OAS3: variants seen among roughly 807,000 people sequenced by gnomAD.
The protein encoded by OAS3 is 2'-5'-oligoadenylate synthetase 3, also known as 2'-5'-oligoadenylate synthase 3.
In OAS3, 107 loss-of-function variants were observed where a neutral mutation model predicts 113.0. That is an observed-to-expected ratio of 0.95 (90% CI 0.81 to 1.11). OAS3 has a LOEUF of 1.11. Among genes scored for constraint, OAS3 ranks in the 50% most tolerant of loss-of-function variants. The pLI is 0.00. For synonymous variants in OAS3, 552 were observed against 573.6 expected (o/e 0.96, Z 0.54); for missense variants, 1,258 against 1,389.1 (o/e 0.91, Z 1.50).
chr12:112,958,266 T>C (rs1447339383), intron 7 of OAS3, among the ~76,000 whole-genome samples: 2 of 152,254 alleles, frequency 1.3e-5, no homozygotes, highest in African/African-American at 4.8e-5. Context: ...TTTAGCTTCT[T>C]TGTGATAGGT....
chr12:112,938,758 G>A (rs2043653408), intron 1 of OAS3, 51 bp downstream of exon 1: 3 of 1,206,924 alleles, frequency 2.5e-6, no homozygotes, highest in African/African-American at 3.4e-5. Flanking sequence ...GTCCTGGGAG[G>A]ACGCTTAAGC....
intron 10 of OAS3, 25 bp from the exon 11 acceptor site, chr12:112,964,210 G>A (rs923346374): frequency 1.3e-6 from 2 of 1,561,704 alleles, no homozygotes; most frequent in East Asian, 2.4e-5. Flanking sequence ...GTCTCAAGCT[G>A]GCCCCACCTG....
At chr12:112,941,463 G>A in intron 1 of OAS3, 107 bp from the exon 2 acceptor site, 1 of 1,258,912 alleles carries the variant, frequency 7.9e-7, no homozygotes. Context: ...ACAGCCATGT[G>A]GCCACAGTCT....
intron 15 of OAS3, 33 bp from the exon 16 acceptor site, chr12:112,969,929 G>A: frequency 1.9e-6 from 3 of 1,605,194 alleles, no homozygotes; most frequent in Non-Finnish European, 1.7e-6. Flanking sequence ...AGAAAGAATG[G>A]GGTTACCAAC....
intron 7 of OAS3, 27 bp from the exon 8 acceptor site, chr12:112,961,044 C>T (rs931562736): frequency 6.8e-6 from 11 of 1,609,318 alleles, no homozygotes; most frequent in Admixed American, 3.4e-5. Flanking sequence ...TGGAGTTGCA[C>T]ACTCAGGGTG....
Position 112,941,713 on chromosome 12 carries a change from C to T in OAS3, c.321C>T (p.Ser107=). 6.2e-7 allele frequency: 1 copy of T among 1,614,062 alleles called. No individual in the cohort carries two copies. The highest frequency in any genetic ancestry group is 8.5e-7 in the Non-Finnish European group (1 of 1,179,900). The stretch of plus-strand genomic sequence containing the variant: ...GTGAGATGCGGGCATCGCTGGAATC[C>T]TGGTGGCAGAACCCAGTCCCTGGTC... ...ILSEMRASLE[S]WWQNPVPGLR... Residue 107 remains serine (S), a synonymous_variant, in exon 2 of 16, where the codon TCC becomes TCT. Coordinates refer to ENST00000228928, the MANE Select transcript of OAS3 (RefSeq NM_006187.4).
At chr12:112,941,943 C>T in intron 2 of OAS3, 91 bp downstream of exon 2, 2 of 1,528,968 alleles carry the variant, frequency 1.3e-6, no homozygotes, top group Middle Eastern at 1.8e-4. Flanking sequence ...CACCAACTTG[C>T]TGTTTGACCT....
rs1166805916 is a variant in OAS3 at position 112,941,784 on chromosome 12, TC to T, written c.394del (p.Arg132AlafsTer2). The T allele has an allele frequency of 6.2e-7, 1 of 1,614,032 alleles. No individual in the cohort carries two copies. Among genetic ancestry groups the T allele is most frequent in the Non-Finnish European group, 8.5e-7 (1 of 1,179,898 alleles). ...PEQSVPGALQ[F>X]RLTSVDLEDW... ...CAGAGCGTGCCTGGGGCCCTGCAGT[TC>T]CGCCTGACATCCGTAGATCTTGAGG... On this transcript the variant is annotated frameshift_variant, in exon 2 of 16. Transcript: ENST00000228928. LOFTEE classifies it high-confidence loss of function.
rs372847671 is a variant in OAS3 at position 112,965,981 on chromosome 12, C to G, written c.2641C>G (p.Leu881Val). 5.0e-5 allele frequency: 81 copies of G among 1,614,060 alleles called. No individual in the cohort carries two copies. In the African/African-American group the frequency reaches 9.5e-4, roughly 19 times the overall value. The change falls in exon 12 of 16, where the codon CTG becomes GTG. Residue 881 changes from leucine to valine, a missense_variant. Coordinates refer to ENST00000228928, the MANE Select transcript of OAS3 (RefSeq NM_006187.4). ...CTTCTCACTGACATCCCAGACGATGCTGGACCAGAGTGTGGACTTTGATGT... is the reference window on the plus strand; with the variant it reads ...CTTCTCACTGACATCCCAGACGATGGTGGACCAGAGTGTGGACTTTGATGT... ...LSFSLTSQTM[L>V]DQSVDFDVLP...
rs1263113369 is a variant in OAS3 at position 112,964,418 on chromosome 12, C to T, written c.2403+10C>T. ...GATCAAGGTGGTCAAGGTGAGTCCT[C>T]AGAGAGCTGTAGGCAAGCAGTGTCC... On this transcript the variant is annotated intron_variant, in intron 11 of 15. Transcript: ENST00000228928. 4 of 1,608,288 alleles carry T rather than the reference C, an allele frequency of 2.5e-6. No homozygotes were observed. Among genetic ancestry groups the T allele is most frequent in the African/African-American group, 1.3e-5 (1 of 74,876 alleles).
rs58792765 is a variant in OAS3, at chr12:112,939,306, C to CTTTTTTTTT, written c.177+622_177+630dup. Among the ~76,000 whole-genome samples, 25 of 68,296 alleles carry CTTTTTTTTT rather than the reference C, an allele frequency of 3.7e-4. 1 individual carries two copies. Among genetic ancestry groups the CTTTTTTTTT allele is most frequent in the African/African-American group, 1.3e-3 (23 of 18,272 alleles). The allele number at this position is 68,296 out of a possible 152,430, so 44.8% of individuals were successfully genotyped here. ...GCTAAATTACTACTCTGAGTCACATCTTTTTTTTTTTTTTTTTTTTTTTTT... is the reference window on the plus strand; with the variant it reads ...GCTAAATTACTACTCTGAGTCACATCTTTTTTTTTTTTTTTTTTTTTTTTTTTTTTTTTT... On this transcript the variant is annotated intron_variant, in intron 1 of 15. Transcript: ENST00000228928.
chr12:112,950,237 C>T (rs1307249402), intron 6 of OAS3, among the ~76,000 whole-genome samples: 1 of 151,510 alleles, frequency 6.6e-6, no homozygotes, highest in Non-Finnish European at 1.5e-5. Context: ...TTACATGTAT[C>T]GGATATGTGT....
At chr12:112,969,497 G>T (rs1010711870) in intron 14 of OAS3, 111 bp from the exon 15 acceptor site, 2 of 1,298,006 alleles carry the variant, frequency 1.5e-6, no homozygotes, top group Non-Finnish European at 2.2e-6. Context: ...CTGAGCCCTG[G>T]CTCTAGCCCC....
chr12:112,965,685 C>G, intron 11 of OAS3, 59 bp from the exon 12 acceptor site: 1 of 1,518,160 alleles, frequency 6.6e-7, no homozygotes. Flanking sequence ...ACTCACAGTC[C>G]AGAACCGACA....
chr12:112,967,331 G>A lies in OAS3; in HGVS notation c.2690-87G>A, dbSNP rs1309933959. 6 of 1,306,642 alleles carry A rather than the reference G, an allele frequency of 4.6e-6. No individual in the cohort carries two copies. The African/African-American group carries it at 8.8e-5, about 19-fold the overall frequency. 80.9% of individuals were successfully genotyped at this position (1,306,642 alleles called of 1,614,324 possible). A position where few individuals can be genotyped will look rare whatever the true frequency, so the allele number is the denominator to read the frequency against. ...CCACCCTTAGGAAAACACCCAAGAG[G>A]TAGGAGATCTCAGAAGTCCTTTCTA... is the stretch of plus-strand genomic sequence containing the variant. On this transcript the variant is annotated intron_variant, in intron 12 of 15. Transcript: ENST00000228928.
chr12:112,938,726 G>A lies in OAS3; in HGVS notation c.177+19G>A, dbSNP rs1363677986. The A allele has an allele frequency of 9.1e-6, 13 of 1,431,832 alleles. No individual in the cohort carries two copies. In the South Asian group the frequency reaches 1.4e-4, roughly 16 times the overall value. The allele number at this position is 1,431,832 out of a possible 1,614,324, so 88.7% of individuals were successfully genotyped here. On this transcript the variant is annotated intron_variant, in intron 1 of 15. Coordinates refer to ENST00000228928, the MANE Select transcript of OAS3 (RefSeq NM_006187.4). ...TGTCAAGGTGAGGTCCCACCTCGGG[G>A]TCTTTATGTGTCCAAAGGGGAGTCC...
chr12:112,951,840 A>C (rs942200876), intron 7 of OAS3, among the ~76,000 whole-genome samples: 2 of 11,602 alleles, frequency 1.7e-4, no homozygotes, highest in Non-Finnish European at 2.6e-4. Flanking sequence ...CTAAAAATAC[A>C]AAAAAAAAAA....
At chr12:112,955,970 CT>C (rs1318258645) in intron 7 of OAS3, among the ~76,000 whole-genome samples, 7 of 152,094 alleles carry the variant, frequency 4.6e-5, no homozygotes, top group East Asian at 1.9e-4. Flanking sequence ...TGGTCCTGGA[CT>C]TTTTTTGGTT....
In OAS3 at chr12:112,946,727, C is replaced by T. The variant is rs368841089; in HGVS notation, c.637-16C>T. The T allele has an allele frequency of 4.3e-5, 69 of 1,588,906 alleles. 2 individuals are homozygous for T. The highest frequency in any genetic ancestry group is 3.4e-4 in the Admixed American group (19 of 56,374). On this transcript the variant is annotated splice_polypyrimidine_tract_variant and intron_variant, in intron 3 of 15. Transcript: ENST00000228928. ...CCCTTCTTCCTTCTGAGTCCCCTGC[C>T]GATGCCCTCTCACAGGTGTGCCTAC...
Sources: allele counts gnomAD v4.1 joint callset (sites outside exome capture counted in the v4.1 genomes callset), GRCh38; gene constraint gnomAD v4.1.1; transcripts MANE v1.5; gene names NCBI Gene and HGNC (gene_info 2026-07-23, HGNC 2026-07-21).